Variants in SH2B1 observed in about 807,000 individuals in gnomAD.
The protein encoded by SH2B1 is SH2B adaptor protein 1.
A neutral mutation model predicts 62.6 loss-of-function variants in SH2B1; 15 were observed. The ratio of observed to expected loss-of-function variants is 0.24; its 90% CI spans 0.16 to 0.37. The LOEUF is 0.37. Among genes scored for constraint, SH2B1 ranks in the 10% least tolerant of loss-of-function variants. The pLI is 1.00. For missense variants in SH2B1, 925 were observed against 1,015.6 expected (o/e 0.91, Z 1.21); for synonymous variants, 443 against 438.0 (o/e 1.01, Z -0.14).
At chr16:28,862,645 T>G (rs1271182569), upstream of SH2B1, 5 of 133,838 alleles carry the variant, frequency 3.7e-5, no homozygotes, top group African/African-American at 1.4e-4. Context: ...ATAGGGAGTC[T>G]AGCTCTGTTG....
Position 28,873,010 on chromosome 16 carries a change from G to A in SH2B1, c.1897+305G>A, listed in dbSNP as rs557032728. 14 of 645,858 alleles carry A rather than the reference G, an allele frequency of 2.2e-5. No individual in the cohort carries two copies. The highest frequency in any genetic ancestry group is 5.8e-5 in the South Asian group (3 of 51,838). 40.0% of individuals were successfully genotyped at this position (645,858 alleles called of 1,614,324 possible). ...TGTCTCCTGGACCCATCCTGGCCTCGTCTTTGCCCTCCGTCGCAGCCTGGC... is the reference window on the plus strand; with the variant it reads ...TGTCTCCTGGACCCATCCTGGCCTCATCTTTGCCCTCCGTCGCAGCCTGGC... On this transcript the variant is annotated intron_variant, in intron 7 of 7. Coordinates refer to ENST00000684370, the MANE Select transcript of SH2B1 (RefSeq NM_001387430.1). This position sits in a 1 kb window ranked among gnomAD's most constrained non-coding sequence, Gnocchi z 4.2.
rs1183949606 is a variant in SH2B1, at chr16:28,867,078, T to C, written c.939+45T>C. ...GGGTGACTGAGAGCAAGTGAGAGAG[T>C]GCTCAGAGTGGTCACAGCCCTGCAG... is the stretch of plus-strand genomic sequence containing the variant. On this transcript the variant is annotated intron_variant, in intron 1 of 7. Transcript: ENST00000684370. The C allele has an allele frequency of 8.8e-6, 14 of 1,597,272 alleles. 1 individual carries two copies. The South Asian group carries it at 1.5e-4, about 18-fold the overall frequency.
At chr16:28,847,190 C>T (rs7193993) in intron 1 of SH2B1, among the ~76,000 whole-genome samples, 1 of 152,154 alleles carries the variant, frequency 6.6e-6, no homozygotes, top group African/African-American at 2.4e-5. Flanking sequence ...GCTAGGGGAG[C>T]CTTTAAGGGG....
At chr16:28,859,870 C>G (rs12448902), upstream of SH2B1, among the ~76,000 whole-genome samples, 42,692 of 112,858 alleles carry the variant, frequency 0.38, 8,215 homozygotes, top group Admixed American at 0.45. Flanking sequence ...ACCAATAGAC[C>G]CCCCCCCCCC....
Position 28,849,796 on chromosome 16 carries a change from G to A in SH2B1, c.-301+2969G>A, listed in dbSNP as rs985592730. Among the ~76,000 whole-genome samples, 6 of 152,076 alleles carry A rather than the reference G, an allele frequency of 3.9e-5. No individual in the cohort carries two copies. In the South Asian group the frequency reaches 8.3e-4, roughly 21 times the overall value. ...ACAAAATTACCTGGGCATGGTGCAC[G>A]CCTGTAGTCTCAGCTACTCAGGAGG... On this transcript the variant is annotated intron_variant, in intron 1 of 10. Coordinates refer to the SH2B1 transcript ENST00000322610.
upstream of SH2B1, among the ~76,000 whole-genome samples, chr16:28,861,106 TG>T (rs1962434698): frequency 6.6e-6 from 1 of 151,494 alleles, no homozygotes; most frequent in Non-Finnish European, 1.5e-5. Flanking sequence ...ACAGTGGGAT[TG>T]ATTACAGGAC....
Position 28,863,911 on chromosome 16 carries a change from C to G in SH2B1, c.-2184C>G. 1.5e-6 allele frequency: 2 copies of G among 1,292,338 alleles called. No individual in the cohort carries two copies. Among genetic ancestry groups the G allele is most frequent in the Non-Finnish European group, 2.1e-6 (2 of 968,240 alleles). 80.1% of individuals were successfully genotyped at this position (1,292,338 alleles called of 1,614,324 possible). ...GAGCGGGAGCCGCCGCCGCCGCCGC[C>G]GCCGCCGGAGCTAACCTCGGGGACC... On this transcript the variant is annotated 5_prime_UTR_variant, in exon 1 of 8. Coordinates refer to ENST00000684370, the MANE Select transcript of SH2B1 (RefSeq NM_001387430.1).
upstream of SH2B1, chr16:28,863,338 C>A: frequency 4.5e-6 from 1 of 222,944 alleles, no homozygotes; most frequent in Non-Finnish European, 9.0e-6. Flanking sequence ...CTCAGATAAA[C>A]CAAGGTCGTA....
Position 28,865,885 on chromosome 16 carries a change from G to C in SH2B1, c.-210G>C. Reference sequence around the variant, plus strand: ...CTGGGAGAGGGAAGGGAGGTGTTGGGCTCCCTTCCCCATTGCTCTCTGCGG... The same window carrying C: ...CTGGGAGAGGGAAGGGAGGTGTTGGCCTCCCTTCCCCATTGCTCTCTGCGG... On this transcript the variant is annotated 5_prime_UTR_variant, in exon 1 of 8. Coordinates refer to ENST00000684370, the MANE Select transcript of SH2B1 (RefSeq NM_001387430.1). 8 of 1,347,514 alleles carry C rather than the reference G, an allele frequency of 5.9e-6. No homozygotes were observed. The highest frequency in any genetic ancestry group is 7.6e-6 in the Non-Finnish European group (8 of 1,054,458). The allele number at this position is 1,347,514 out of a possible 1,614,324, so 83.5% of individuals were successfully genotyped here.
At chr16:28,871,052 C>G (rs544903090) in intron 4 of SH2B1, among the ~76,000 whole-genome samples, 2 of 150,698 alleles carry the variant, frequency 1.3e-5, no homozygotes, top group African/African-American at 4.9e-5. Context: ...GAGGCTTGCT[C>G]TGTCGCCCAG....
rs1392337884 is a variant in SH2B1, at chr16:28,866,747, C to T, written c.653C>T (p.Thr218Met). Residue 218 changes from threonine (T) to methionine (M), a missense_variant, in exon 1 of 8, where the codon ACG becomes ATG. This residue lies in a region of SH2B1 where 683 missense variants were observed against 704.0 expected (regional missense o/e 0.97). Transcript: ENST00000684370. This position sits in a 1 kb window ranked among gnomAD's most constrained non-coding sequence, Gnocchi z 6.3. ...GGTAGGGGACTGGTCAGTGATGGAA[C>T]GTCCCCTGGGGAAAGATGGACTCAC... ...TVGRGLVSDG[T>M]SPGERWTHRF... is the part of the protein sequence containing the mutation. 1.3e-6 allele frequency: 2 copies of T among 1,578,312 alleles called. No homozygotes were observed. Among genetic ancestry groups the T allele is most frequent in the Non-Finnish European group, 1.7e-6 (2 of 1,163,242 alleles).
upstream of SH2B1, chr16:28,863,744 G>C: frequency 6.5e-7 from 1 of 1,535,764 alleles, no homozygotes; most frequent in Non-Finnish European, 8.7e-7. Flanking sequence ...CCGAGTGGGA[G>C]GATGGCGGAA....
chr16:28,849,144 C>T (rs1428812729), intron 1 of SH2B1, among the ~76,000 whole-genome samples: 1 of 152,158 alleles, frequency 6.6e-6, no homozygotes, highest in African/African-American at 2.4e-5. Flanking sequence ...TGCTGGGTCT[C>T]CTAGGCTGGA....
At position 28,870,994 on chromosome 16, in the gene SH2B1, CGTGTGTGTGT is replaced by C. The variant is rs35079060; in HGVS notation, c.1310-757_1310-748del. Among the ~76,000 whole-genome samples the C allele has an allele frequency of 1.8e-4, 26 of 141,540 alleles. No homozygotes were observed. The South Asian group carries it at 1.9e-3, about 10-fold the overall frequency. The allele number at this position is 141,540 out of a possible 152,430, so 92.9% of individuals were successfully genotyped here. A position where few individuals can be genotyped will look rare whatever the true frequency, so the allele number is the denominator to read the frequency against. On this transcript the variant is annotated intron_variant, in intron 4 of 7. Coordinates refer to ENST00000684370, the MANE Select transcript of SH2B1 (RefSeq NM_001387430.1). Reference sequence around the variant, plus strand: ...GAGCCACTGTGTGCAGCCAGAATTCCGTGTGTGTGTGTGTGTGTGTGTGTGTGTGTGTGTG... The same window carrying C: ...GAGCCACTGTGTGCAGCCAGAATTCCGTGTGTGTGTGTGTGTGTGTGTGTG...
chr16:28,847,449 TC>T (rs1465410829), intron 1 of SH2B1, among the ~76,000 whole-genome samples: 4 of 152,102 alleles, frequency 2.6e-5, no homozygotes, highest in Non-Finnish European at 5.9e-5. Flanking sequence ...CCCTAATTCC[TC>T]CCCTGGAGGT....
chr16:28,872,870 A>G lies in SH2B1; in HGVS notation c.1897+165A>G. 1 of 958,184 alleles carries G rather than the reference A, an allele frequency of 1.0e-6. No homozygotes were observed. The highest frequency in any genetic ancestry group is 1.6e-6 in the Non-Finnish European group (1 of 628,284). 59.4% of individuals were successfully genotyped at this position (958,184 alleles called of 1,614,324 possible). A position where few individuals can be genotyped will look rare whatever the true frequency, so the allele number is the denominator to read the frequency against. ...GTGCCTCGGGGTTTGGAAGGGAAAG[A>G]AATGCGCTGATAGGACACAGGAAGG... On this transcript the variant is annotated intron_variant, in intron 7 of 7. Transcript: ENST00000684370. The surrounding 1 kb of genome is among the most constrained non-coding windows in gnomAD (Gnocchi z 5.3).
rs1963132564 is a variant in SH2B1 at position 28,873,073 on chromosome 16, C to T, written c.1897+368C>T. 1 of 837,942 alleles carries T rather than the reference C, an allele frequency of 1.2e-6. No homozygotes were observed. Among genetic ancestry groups the T allele is most frequent in the African/African-American group, 1.7e-5 (1 of 58,352 alleles). The allele number at this position is 837,942 out of a possible 1,614,324, so 51.9% of individuals were successfully genotyped here. On this transcript the variant is annotated intron_variant, in intron 7 of 7. Transcript: ENST00000684370. The surrounding 1 kb of genome is among the most constrained non-coding windows in gnomAD (Gnocchi z 4.2). ...CTTCCCGGGGACACTCGGTCTGATCCCCTTCCCTCCTCCCTCAATGTCTCA... is the reference window on the plus strand; with the variant it reads ...CTTCCCGGGGACACTCGGTCTGATCTCCTTCCCTCCTCCCTCAATGTCTCA...
At chr16:28,847,818 T>TCCCCATC (rs1962013789) in intron 1 of SH2B1, among the ~76,000 whole-genome samples, 1 of 106,016 alleles carries the variant, frequency 9.4e-6, no homozygotes, top group Non-Finnish European at 1.8e-5. Context: ...GACCCCATCT[T>TCCCCATC]TTTTTTTTTT....
chr16:28,872,067 C>T lies in SH2B1; in HGVS notation c.1513+84C>T. The T allele has an allele frequency of 2.2e-6, 3 of 1,349,554 alleles. No homozygotes were observed. The highest frequency in any genetic ancestry group is 3.2e-6 in the Non-Finnish European group (3 of 948,340). 83.6% of individuals were successfully genotyped at this position (1,349,554 alleles called of 1,614,324 possible). A position where few individuals can be genotyped will look rare whatever the true frequency, so the allele number is the denominator to read the frequency against. On this transcript the variant is annotated intron_variant, in intron 5 of 7. Coordinates refer to ENST00000684370, the MANE Select transcript of SH2B1 (RefSeq NM_001387430.1). The surrounding 1 kb of genome is among the most constrained non-coding windows in gnomAD (Gnocchi z 5.3). ...TCTCCTGGGATCCCGAGGGAGCTGG[C>T]CCAGGGGAGTTGGGGACGCATGTGG...
Sources: allele counts gnomAD v4.1 joint callset (sites outside exome capture counted in the v4.1 genomes callset), GRCh38; gene constraint gnomAD v4.1.1; regional missense constraint gnomAD v4.1.1; non-coding constraint Gnocchi (gnomAD v3.1); transcripts MANE v1.5; gene names NCBI Gene and HGNC (gene_info 2026-07-23, HGNC 2026-07-21).